Variants in ARL15 observed in about 807,000 individuals in gnomAD.
ARL15 encodes ARF like GTPase 15.
Under a neutral mutation model 25.2 loss-of-function variants are expected in ARL15, and 19 were observed. The ratio of observed to expected loss-of-function variants is 0.75; its 90% CI spans 0.53 to 1.10. The LOEUF is 1.10. Among genes scored for constraint, ARL15 ranks in the 50% least tolerant of loss-of-function variants. The pLI, the probability that ARL15 is intolerant of heterozygous loss-of-function variation, is 0.00. For synonymous variants in ARL15, 94 were observed against 86.8 expected, an observed-to-expected ratio of 1.08 and a Z score of -0.46; for missense variants, 220 against 246.0, an observed-to-expected ratio of 0.89 and a Z score of 0.71.
rs1051528857 is a variant in ARL15 at position 54,199,224 on chromosome 5, G to A, written c.49-27296C>T. 9.9e-5 allele frequency among the ~76,000 whole-genome samples: 15 copies of A among 152,230 alleles called. No homozygotes were observed. In the South Asian group the frequency reaches 3.1e-3, roughly 32 times the overall value. ...AGAAAACCTAGGCAATACTATTCAG[G>A]ACATAGGCATGGGCAAGGACTTCAT... is the stretch of plus-strand genomic sequence containing the variant. On this transcript the variant is annotated intron_variant, in intron 1 of 4. Transcript: ENST00000504924.
intron 1 of ARL15, among the ~76,000 whole-genome samples, chr5:54,209,825 T>G (rs771749328): frequency 7.9e-5 from 12 of 152,190 alleles, no homozygotes; most frequent in Non-Finnish European, 1.6e-4. Flanking sequence ...ACTGACAGCC[T>G]TTCTTATTTT....
At chr5:54,038,647 C>A (rs1750242482) in intron 4 of ARL15, among the ~76,000 whole-genome samples, 1 of 151,920 alleles carries the variant, frequency 6.6e-6, no homozygotes. Flanking sequence ...TGTGAATTTA[C>A]ATGTAAGATT....
chr5:53,922,010 T>C (rs759658278), intron 4 of ARL15, among the ~76,000 whole-genome samples: 5 of 152,354 alleles, frequency 3.3e-5, no homozygotes, highest in Non-Finnish European at 7.3e-5. Context: ...GAAAGCAATA[T>C]GTACCTTAGT....
intron 4 of ARL15, among the ~76,000 whole-genome samples, chr5:53,906,612 T>C (rs1348694538): frequency 6.6e-6 from 1 of 152,148 alleles, no homozygotes; most frequent in Non-Finnish European, 1.5e-5. Context: ...AAAGACATAA[T>C]ATATTAACTA....
chr5:53,981,615 G>T (rs1748121526), intron 4 of ARL15, among the ~76,000 whole-genome samples: 1 of 152,298 alleles, frequency 6.6e-6, no homozygotes, highest in East Asian at 1.9e-4. Flanking sequence ...AAGAAATCAT[G>T]CGGGGCGCAG....
At chr5:54,067,182 C>A (rs1257297527) in intron 4 of ARL15, 1 of 152,652 alleles carries the variant, frequency 6.6e-6, no homozygotes, top group Non-Finnish European at 1.5e-5. Flanking sequence ...TAGTGCTTCA[C>A]ACGGGTGTTA....
chr5:54,190,722 T>C (rs1243758534), intron 1 of ARL15, among the ~76,000 whole-genome samples: 1 of 152,162 alleles, frequency 6.6e-6, no homozygotes, highest in Non-Finnish European at 1.5e-5. Flanking sequence ...ACCATCACAT[T>C]GGGTCTTAGG....
intron 4 of ARL15, among the ~76,000 whole-genome samples, chr5:54,101,495 A>G (rs1326345066): frequency 6.6e-6 from 1 of 152,160 alleles, no homozygotes; most frequent in Non-Finnish European, 1.5e-5. Flanking sequence ...TAATGTTCTA[A>G]ATAATTGAAG....
In ARL15 at chr5:54,291,687, A is replaced by G. The variant is rs561802527; in HGVS notation, c.48+18745T>C. Among the ~76,000 whole-genome samples, 39 of 152,172 alleles carry G rather than the reference A, an allele frequency of 2.6e-4. 1 individual carries two copies. The highest frequency in any genetic ancestry group is 4.8e-4 in the Non-Finnish European group (33 of 68,042). On this transcript the variant is annotated intron_variant, in intron 1 of 4. Transcript: ENST00000504924. ...GCCCACATCTACTACTGGAATGTGG[A>G]TGAGTCTCCTGAACAGGCCCCACTA...
At chr5:54,071,422 A>C (rs2112072712) in intron 4 of ARL15, among the ~76,000 whole-genome samples, 2 of 152,030 alleles carry the variant, frequency 1.3e-5, no homozygotes, top group Middle Eastern at 6.8e-3. Context: ...AGTGACAGGT[A>C]ATCACAGGCA....
intron 4 of ARL15, among the ~76,000 whole-genome samples, chr5:54,076,320 C>T (rs920037001): frequency 1.4e-4 from 21 of 150,942 alleles, no homozygotes; most frequent in African/African-American, 5.1e-4. Context: ...ATTCGGGAGG[C>T]TGAGGCAGGA....
chr5:54,200,340 A>T (rs898504806), intron 1 of ARL15, among the ~76,000 whole-genome samples: 60 of 151,166 alleles, frequency 4.0e-4, no homozygotes, highest in African/African-American at 1.4e-3. Context: ...AATAAAAAAA[A>T]TTTAAAAATA....
chr5:54,013,046 C>T (rs1749297891), intron 4 of ARL15, among the ~76,000 whole-genome samples: 1 of 152,000 alleles, frequency 6.6e-6, no homozygotes, highest in African/African-American at 2.4e-5. Flanking sequence ...GTGATCCACC[C>T]ACCTCAGCCT....
chr5:54,070,111 C>A (rs558849501), intron 4 of ARL15, among the ~76,000 whole-genome samples: 3 of 151,522 alleles, frequency 2.0e-5, no homozygotes, highest in Non-Finnish European at 2.9e-5. Context: ...TTGGTTTGGG[C>A]CAGGTGCGGT....
chr5:54,252,290 G>A (rs1487851025), intron 1 of ARL15, among the ~76,000 whole-genome samples: 2 of 152,186 alleles, frequency 1.3e-5, no homozygotes, highest in Non-Finnish European at 2.9e-5. Flanking sequence ...TTATGGAAGA[G>A]ACTGCCTCAT....
intron 4 of ARL15, among the ~76,000 whole-genome samples, chr5:53,927,297 A>C (rs564953019): frequency 6.6e-6 from 1 of 152,234 alleles, no homozygotes; most frequent in Non-Finnish European, 1.5e-5. Flanking sequence ...ATGTCTGTCC[A>C]TCTCACTCCT....
At chr5:54,034,543 T>C (rs891858341) in intron 4 of ARL15, among the ~76,000 whole-genome samples, 7 of 152,204 alleles carry the variant, frequency 4.6e-5, no homozygotes. Flanking sequence ...ATGTAACTAC[T>C]TCTGGAAATA....
At chr5:53,978,250 T>C (rs1748006760) in intron 4 of ARL15, among the ~76,000 whole-genome samples, 1 of 152,172 alleles carries the variant, frequency 6.6e-6, no homozygotes, top group South Asian at 2.1e-4. Flanking sequence ...TTTTTAATAA[T>C]CACATGGTAT....
intron 1 of ARL15, among the ~76,000 whole-genome samples, chr5:54,305,637 A>G (rs2112722596): frequency 6.6e-6 from 1 of 152,328 alleles, no homozygotes; most frequent in African/African-American, 2.4e-5. Flanking sequence ...ACACACACCT[A>G]TGATAAAGTT....
Sources: gnomAD v4.1 joint callset for allele counts (sites outside exome capture counted in the v4.1 genomes callset) on GRCh38, gnomAD v4.1.1 for gene constraint, MANE v1.5 for transcripts, NCBI Gene and HGNC (gene_info 2026-07-23, HGNC 2026-07-21) for gene names.